The following PIK3C2G variants were observed in gnomAD, a reference collection of about 807,000 sequenced individuals.
The protein encoded by PIK3C2G is phosphatidylinositol 3-kinase C2 domain-containing subunit gamma.
PIK3C2G carries 168 observed loss-of-function variants against 181.1 expected under a neutral mutation model. The ratio of observed to expected loss-of-function variants is 0.93; its 90% confidence interval spans 0.82 to 1.05. The LOEUF is 1.05. Ranked by LOEUF, PIK3C2G falls within the 50% of genes least tolerant of loss-of-function variation. The pLI, the probability that PIK3C2G is intolerant of heterozygous loss-of-function variation, is 0.00. For synonymous variants in PIK3C2G, 573 were observed against 592.2 expected (o/e 0.97, Z 0.47); for missense variants, 1,869 against 1,732.8 (o/e 1.08, Z -1.40).
At chr12:18,665,794 G>C in the PIK3C2G span, among the ~76,000 whole-genome samples, 1 of 151,968 alleles carries the variant, frequency 6.6e-6, no homozygotes, top group Non-Finnish European at 1.5e-5. Flanking sequence ...AATTAGCCAG[G>C]CGTAGTGGTG....
chr12:18,473,640 T>C (rs1434923645), intron 18 of PIK3C2G, among the ~76,000 whole-genome samples: 1 of 152,210 alleles, frequency 6.6e-6, no homozygotes, highest in African/African-American at 2.4e-5. Context: ...TTGATGTTAG[T>C]AAGAGTAATG....
intron 16 of PIK3C2G, among the ~76,000 whole-genome samples, chr12:18,404,398 A>C (rs769019610): frequency 2.0e-5 from 3 of 152,152 alleles, no homozygotes; most frequent in Non-Finnish European, 4.4e-5. Context: ...GACTGTCTCT[A>C]AACAAGGTAC....
upstream of PIK3C2G, among the ~76,000 whole-genome samples, chr12:18,258,319 A>G (rs1268661407): frequency 6.6e-6 from 1 of 152,096 alleles, no homozygotes; most frequent in Non-Finnish European, 1.5e-5. Context: ...CTGTCTTACA[A>G]ATTTTCAAGT....
intron 13 of PIK3C2G, among the ~76,000 whole-genome samples, chr12:18,373,914 T>A (rs572035815): frequency 5.3e-4 from 81 of 152,222 alleles, no homozygotes; most frequent in Admixed American, 1.3e-3. Flanking sequence ...TATAATCATG[T>A]CTTTTGCAGA....
At chr12:18,293,533 C>T (rs560557714) in intron 4 of PIK3C2G, among the ~76,000 whole-genome samples, 1 of 152,208 alleles carries the variant, frequency 6.6e-6, no homozygotes, top group East Asian at 1.9e-4. Context: ...TCAAACACCC[C>T]CTGGAACTTT....
intron 31 of PIK3C2G, among the ~76,000 whole-genome samples, chr12:18,624,140 C>G (rs142772513): frequency 2.3e-3 from 348 of 151,646 alleles, no homozygotes; most frequent in Non-Finnish European, 4.0e-3. Flanking sequence ...TTTCATTTTC[C>G]CCATTGAGTA....
intron 8 of PIK3C2G, among the ~76,000 whole-genome samples, chr12:18,337,837 A>G (rs571824285): frequency 6.6e-6 from 1 of 152,300 alleles, no homozygotes; most frequent in Admixed American, 6.5e-5. Flanking sequence ...TATATTTGTC[A>G]TCAGCGATTT....
At chr12:18,668,430 T>A in the PIK3C2G span, among the ~76,000 whole-genome samples, 2 of 152,154 alleles carry the variant, frequency 1.3e-5, no homozygotes, top group Non-Finnish European at 2.9e-5. Context: ...AGAAATCAAA[T>A]GGAACCCAAC....
At chr12:18,632,581 CA>C (rs2136735858) in intron 31 of PIK3C2G, among the ~76,000 whole-genome samples, 1 of 152,198 alleles carries the variant, frequency 6.6e-6, no homozygotes, top group East Asian at 1.9e-4. Flanking sequence ...TATGGAGTTG[CA>C]GCAGTCTCAC....
intron 11 of PIK3C2G, among the ~76,000 whole-genome samples, chr12:18,349,678 A>C (rs55756914): frequency 0.11 from 17,142 of 152,184 alleles, 1,326 homozygotes; most frequent in Admixed American, 0.25. Context: ...ATAGATTGAA[A>C]GTGCCTTTAT....
At chr12:18,726,299 T>C in the PIK3C2G span, among the ~76,000 whole-genome samples, 1 of 152,132 alleles carries the variant, frequency 6.6e-6, no homozygotes, top group Non-Finnish European at 1.5e-5. Context: ...CAACATAAAA[T>C]AAGAGTAATA....
intron 5 of PIK3C2G, among the ~76,000 whole-genome samples, chr12:18,301,541 T>C (rs1462384351): frequency 6.6e-6 from 1 of 152,084 alleles, no homozygotes; most frequent in African/African-American, 2.4e-5. Flanking sequence ...AATTCTTTTG[T>C]TCCAGAATTT....
At chr12:18,658,910 AT>A in the PIK3C2G span, among the ~76,000 whole-genome samples, 872 of 152,046 alleles carry the variant, frequency 5.7e-3, 7 homozygotes, top group African/African-American at 0.019. Context: ...AGATTTTTGT[AT>A]TTTTTTTGTA....
rs1390028790 is a variant in PIK3C2G, at chr12:18,290,890, T to C, written c.797T>C (p.Phe266Ser). ...RERYHAADVN[F>S]NSGKIWSTTT... is the part of the protein sequence containing the mutation. ...AGATATCATGCAGCTGATGTTAATT[T>C]CAATTCTGGGAAGATCTGGAGCACT... Residue 266 changes from phenylalanine to serine, a missense_variant, in exon 4 of 33, where the codon TTC becomes TCC. By Grantham distance (155) the Phe-to-Ser change is radical. Transcript: ENST00000538779. 1 of 1,605,862 alleles carries C rather than the reference T, an allele frequency of 6.2e-7. No homozygotes were observed. Among genetic ancestry groups the C allele is most frequent in the Admixed American group, 1.7e-5 (1 of 59,838 alleles).
At chr12:18,677,444 G>A in the PIK3C2G span, among the ~76,000 whole-genome samples, 1 of 152,086 alleles carries the variant, frequency 6.6e-6, no homozygotes, top group African/African-American at 2.4e-5. Flanking sequence ...GAATCACATA[G>A]AGGGCTGGTT....
intron 25 of PIK3C2G, among the ~76,000 whole-genome samples, chr12:18,542,298 GGGAA>G (rs1216347397): frequency 6.6e-6 from 1 of 151,800 alleles, no homozygotes; most frequent in African/African-American, 2.4e-5. Context: ...AGTGGCTATC[GGGAA>G]TGTGTCTTCC....
chr12:18,511,366 C>T (rs969818735), intron 24 of PIK3C2G, among the ~76,000 whole-genome samples: 1 of 152,014 alleles, frequency 6.6e-6, no homozygotes, highest in African/African-American at 2.4e-5. Flanking sequence ...TTCGGTCATA[C>T]GGTAGTTCTA....
At chr12:18,705,125 G>T in the PIK3C2G span, 1 of 1,606,382 alleles carries the variant, frequency 6.2e-7, no homozygotes, top group Non-Finnish European at 8.5e-7. Context: ...TGTTTTCATG[G>T]ACTTTTTTCT....
At chr12:18,248,563 T>C (rs1245801006) in intron 1 of PIK3C2G, among the ~76,000 whole-genome samples, 1 of 150,696 alleles carries the variant, frequency 6.6e-6, no homozygotes, top group Non-Finnish European at 1.5e-5. Flanking sequence ...AGAGCGAGAC[T>C]CCATCTCAAA....
Sources: allele counts gnomAD v4.1 joint callset (sites outside exome capture counted in the v4.1 genomes callset), GRCh38; gene constraint gnomAD v4.1.1; transcripts MANE v1.5; gene names NCBI Gene and HGNC (gene_info 2026-07-23, HGNC 2026-07-21).